PTCHD4: variants seen among roughly 807,000 people sequenced by gnomAD.
PTCHD4 encodes patched domain-containing protein 4.
A neutral mutation model predicts 58.1 loss-of-function variants in PTCHD4; 33 were observed. The observed-to-expected ratio is 0.57, with a 90% CI of 0.43 to 0.76. The LOEUF (loss-of-function observed/expected upper bound fraction) is 0.76, where lower values mean the gene tolerates loss of function less well. Ranked by LOEUF, PTCHD4 falls within the 30% of genes least tolerant of loss-of-function variation. The pLI, the probability that PTCHD4 is intolerant of heterozygous loss-of-function variation, is 0.00. For missense variants in PTCHD4, 1,058 were observed against 1,027.1 expected (o/e 1.03, Z -0.41); for synonymous variants, 478 against 409.6 (o/e 1.17, Z -2.02).
chr6:47,985,585 A>G (rs1307115637), intron 4 of PTCHD4, among the ~76,000 whole-genome samples: 1 of 152,114 alleles, frequency 6.6e-6, no homozygotes, highest in East Asian at 1.9e-4. Flanking sequence ...TTAGTGGATG[A>G]TGAAAGAACT....
At chr6:48,044,297 A>G (rs1763956215) in intron 3 of PTCHD4, among the ~76,000 whole-genome samples, 1 of 151,812 alleles carries the variant, frequency 6.6e-6, no homozygotes, top group Non-Finnish European at 1.5e-5. Context: ...CCAGTCTTTT[A>G]GTGTCCACAA....
intron 4 of PTCHD4, among the ~76,000 whole-genome samples, chr6:47,889,535 T>C (rs1360305884): frequency 6.6e-6 from 1 of 152,162 alleles, no homozygotes; most frequent in Non-Finnish European, 1.5e-5. Flanking sequence ...TTTGAGTTCA[T>C]TGTAGATTCT....
intron 4 of PTCHD4, among the ~76,000 whole-genome samples, chr6:47,965,217 C>T (rs191642179): frequency 3.2e-3 from 492 of 152,262 alleles, no homozygotes; most frequent in African/African-American, 0.011. Context: ...AATTTGAATG[C>T]CCTGAGCAGC....
At position 47,863,330 on chromosome 6, in the gene PTCHD4, G is replaced by A. The variant is rs921288248; in HGVS notation, c.*14973C>T. 6.6e-6 allele frequency among the ~76,000 whole-genome samples: 1 copy of A among 151,818 alleles called. No homozygotes were observed. Among genetic ancestry groups the A allele is most frequent in the African/African-American group, 2.4e-5 (1 of 41,396 alleles). ...TAGGGCCTCCAAAAGACTTATGTAAGCAATGGGCTCAGAAATTTAAGCTTC... is the reference window on the plus strand; with the variant it reads ...TAGGGCCTCCAAAAGACTTATGTAAACAATGGGCTCAGAAATTTAAGCTTC... On this transcript the variant is annotated 3_prime_UTR_variant, in exon 5 of 5. Coordinates refer to ENST00000339488, the MANE Select transcript of PTCHD4 (RefSeq NM_001384253.1).
intron 4 of PTCHD4, among the ~76,000 whole-genome samples, chr6:47,958,492 A>G (rs573598130): frequency 2.0e-5 from 3 of 152,342 alleles, no homozygotes; most frequent in South Asian, 4.1e-4. Context: ...TTACTTCTAG[A>G]TCATTGCCTC....
intron 4 of PTCHD4, among the ~76,000 whole-genome samples, chr6:47,979,278 T>C (rs1767798043): frequency 6.6e-6 from 1 of 151,748 alleles, no homozygotes; most frequent in Non-Finnish European, 1.5e-5. Context: ...TGTATTTTTA[T>C]AAAAAGTCAA....
chr6:48,008,218 T>G (rs1762532619), intron 4 of PTCHD4, among the ~76,000 whole-genome samples: 1 of 152,150 alleles, frequency 6.6e-6, no homozygotes, highest in African/African-American at 2.4e-5. Flanking sequence ...TTAGGACACA[T>G]CATTGGTCCT....
At chr6:48,022,944 G>A (rs1763116937) in intron 3 of PTCHD4, among the ~76,000 whole-genome samples, 1 of 151,866 alleles carries the variant, frequency 6.6e-6, no homozygotes, top group African/African-American at 2.4e-5. Context: ...CTTTCTGGTT[G>A]TCTTGTTTAA....
At chr6:47,987,561 CATAG>C (rs1768116381) in intron 4 of PTCHD4, among the ~76,000 whole-genome samples, 1 of 151,866 alleles carries the variant, frequency 6.6e-6, no homozygotes, top group South Asian at 2.1e-4. Context: ...AAAATAAACA[CATAG>C]ATACACTAAA....
intron 1 of PTCHD4, among the ~76,000 whole-genome samples, chr6:48,104,793 G>C (rs1765684396): frequency 6.6e-6 from 1 of 152,058 alleles, no homozygotes; most frequent in Non-Finnish European, 1.5e-5. Context: ...AAAGGCAGGG[G>C]TTGCAATCCT....
rs76872640 is a variant in PTCHD4 at position 47,873,353 on chromosome 6, G to A, written c.*4950C>T. Among the ~76,000 whole-genome samples the A allele has an allele frequency of 5.9e-4, 90 of 151,688 alleles. No homozygotes were observed. The highest frequency in any genetic ancestry group is 2.1e-3 in the African/African-American group (87 of 41,468). ...AGACATCTTGATTTCTGAGATGTGGGCTCATCTCTCAATATCCTTCCAGTG... is the reference window on the plus strand; with the variant it reads ...AGACATCTTGATTTCTGAGATGTGGACTCATCTCTCAATATCCTTCCAGTG... On this transcript the variant is annotated 3_prime_UTR_variant, in exon 5 of 5. Transcript: ENST00000339488.
intron 3 of PTCHD4, among the ~76,000 whole-genome samples, chr6:48,048,884 A>G (rs1034320175): frequency 9.9e-5 from 15 of 151,936 alleles, no homozygotes; most frequent in Non-Finnish European, 1.5e-5. Flanking sequence ...TTTCACTGGG[A>G]ATCCTAGAAA....
chr6:48,094,217 A>G (rs995607668), intron 1 of PTCHD4, among the ~76,000 whole-genome samples: 5 of 152,218 alleles, frequency 3.3e-5, no homozygotes, highest in Non-Finnish European at 5.9e-5. Context: ...TCTGAAAAAT[A>G]AAGGCACAAA....
intron 4 of PTCHD4, among the ~76,000 whole-genome samples, chr6:48,003,850 G>C (rs1242843286): frequency 6.6e-6 from 1 of 152,068 alleles, no homozygotes; most frequent in Non-Finnish European, 1.5e-5. Flanking sequence ...CGCCAAGCAA[G>C]GTCCTATATT....
At chr6:47,910,554 G>A (rs1441365841) in intron 4 of PTCHD4, among the ~76,000 whole-genome samples, 1 of 152,094 alleles carries the variant, frequency 6.6e-6, no homozygotes. Flanking sequence ...TAAAGAGAAT[G>A]TGTTAGAAAA....
At chr6:47,892,750 C>T (rs1026496863) in intron 4 of PTCHD4, among the ~76,000 whole-genome samples, 1 of 152,206 alleles carries the variant, frequency 6.6e-6, no homozygotes, top group African/African-American at 2.4e-5. Context: ...AGCACAGATG[C>T]TTGATAAAAG....
chr6:47,966,903 G>A (rs2113980128), intron 4 of PTCHD4, among the ~76,000 whole-genome samples: 1 of 152,226 alleles, frequency 6.6e-6, no homozygotes, highest in South Asian at 2.1e-4. Context: ...TTCCTCCACT[G>A]ATGTCTTGAG....
intron 3 of PTCHD4, among the ~76,000 whole-genome samples, chr6:48,009,660 G>A (rs12192038): frequency 0.12 from 18,739 of 152,032 alleles, 1,503 homozygotes; most frequent in South Asian, 0.2. Flanking sequence ...ATTGCATACC[G>A]AAGAGCAGTA....
intron 3 of PTCHD4, among the ~76,000 whole-genome samples, chr6:48,042,577 C>G (rs545109468): frequency 6.6e-5 from 10 of 151,974 alleles, no homozygotes; most frequent in African/African-American, 2.2e-4. Flanking sequence ...AATATCAGTT[C>G]AGCATTCTGA....
Sources: gnomAD v4.1 joint callset for allele counts (sites outside exome capture counted in the v4.1 genomes callset) on GRCh38, gnomAD v4.1.1 for gene constraint, MANE v1.5 for transcripts, NCBI Gene and HGNC (gene_info 2026-07-23, HGNC 2026-07-21) for gene names.